INSYN2B: variants seen among roughly 807,000 people sequenced by gnomAD.
INSYN2B encodes inhibitory synaptic factor family member 2B.
In INSYN2B, 16 loss-of-function variants were observed where a neutral mutation model predicts 41.2. The ratio of observed to expected loss-of-function variants is 0.39; its 90% CI spans 0.26 to 0.59. INSYN2B has a LOEUF of 0.59. Ranked by LOEUF, INSYN2B falls within the 20% of genes least tolerant of loss-of-function variation. The pLI is 0.57. For synonymous variants in INSYN2B, 245 were observed against 244.4 expected, an observed-to-expected ratio of 1.00 and a Z score of -0.02; for missense variants, 608 against 646.4, an observed-to-expected ratio of 0.94 and a Z score of 0.64.
At chr5:169,946,357 G>A (rs1047763383) in intron 1 of INSYN2B, among the ~76,000 whole-genome samples, 2 of 152,194 alleles carry the variant, frequency 1.3e-5, no homozygotes, top group Non-Finnish European at 2.9e-5. Flanking sequence ...TGAGGGGGAC[G>A]AGTCACAGGA....
rs111783131 is a variant in INSYN2B at position 169,891,377 on chromosome 5, C to A, written c.-918-6561G>T. Reference sequence around the variant, plus strand: ...GTTGAATGAATGAATAGAGTAAATTCTTATAGTTAGAGGCTTCAAGGAATC... The same window carrying A: ...GTTGAATGAATGAATAGAGTAAATTATTATAGTTAGAGGCTTCAAGGAATC... On this transcript the variant is annotated intron_variant, in intron 1 of 3. Transcript: ENST00000377365. 4.6e-4 allele frequency among the ~76,000 whole-genome samples: 70 copies of A among 152,234 alleles called. 1 individual carries two copies. The highest frequency in any genetic ancestry group is 1.2e-3 in the African/African-American group (49 of 41,548).
At chr5:169,916,189 CTT>C (rs1774866683) in intron 1 of INSYN2B, among the ~76,000 whole-genome samples, 1 of 152,168 alleles carries the variant, frequency 6.6e-6, no homozygotes, top group South Asian at 2.1e-4. Flanking sequence ...AAAATAGAGT[CTT>C]TTAAGAGTGT....
intron 3 of INSYN2B, among the ~76,000 whole-genome samples, chr5:169,864,772 G>A (rs1449954891): frequency 1.3e-5 from 2 of 152,152 alleles, no homozygotes; most frequent in African/African-American, 4.8e-5. Context: ...GTTTTGGCAT[G>A]TGTTATGCAT....
chr5:169,921,232 C>T (rs185007157), intron 1 of INSYN2B, among the ~76,000 whole-genome samples: 61 of 152,312 alleles, frequency 4.0e-4, no homozygotes, highest in Middle Eastern at 3.4e-3. Context: ...AGTCCGTATT[C>T]CTCCTGATGT....
intron 3 of INSYN2B, among the ~76,000 whole-genome samples, chr5:169,873,827 C>T (rs551735180): frequency 5.3e-5 from 8 of 152,200 alleles, no homozygotes; most frequent in Non-Finnish European, 1.2e-4. Flanking sequence ...GACCTCCAAC[C>T]GTGTGACCTC....
chr5:169,958,558 A>C (rs1177177214), intron 1 of INSYN2B, among the ~76,000 whole-genome samples: 2 of 147,970 alleles, frequency 1.4e-5, no homozygotes, highest in African/African-American at 5.1e-5. Flanking sequence ...ATAGAGGACA[A>C]AAGGGGTGCT....
chr5:169,978,697 G>T (rs1037871329), intron 1 of INSYN2B, among the ~76,000 whole-genome samples: 1 of 151,936 alleles, frequency 6.6e-6, no homozygotes, highest in African/African-American at 2.4e-5. Context: ...ACCTCCCTAC[G>T]TCCCGAAGGG....
chr5:169,920,324 T>C (rs1049949243), intron 1 of INSYN2B, among the ~76,000 whole-genome samples: 18 of 152,202 alleles, frequency 1.2e-4, no homozygotes, highest in African/African-American at 4.3e-4. Context: ...TTATATGCAA[T>C]TAGAAGTGTG....
At chr5:169,926,224 C>T (rs1023443154) in intron 1 of INSYN2B, among the ~76,000 whole-genome samples, 3 of 152,114 alleles carry the variant, frequency 2.0e-5, no homozygotes, top group Non-Finnish European at 2.9e-5. Flanking sequence ...ACTTGGGGAC[C>T]ACGGGGAAGC....
intron 1 of INSYN2B, among the ~76,000 whole-genome samples, chr5:169,906,399 C>G (rs1047059925): frequency 6.6e-6 from 1 of 152,224 alleles, no homozygotes; most frequent in Non-Finnish European, 1.5e-5. Context: ...AAACCACCAT[C>G]ATTTGGGCTT....
intron 1 of INSYN2B, among the ~76,000 whole-genome samples, chr5:169,906,632 C>T (rs1305158777): frequency 6.6e-6 from 1 of 152,106 alleles, no homozygotes; most frequent in Admixed American, 6.6e-5. Flanking sequence ...CATGCCTGGC[C>T]AAAACTGAGT....
At chr5:169,957,379 G>C (rs1776913159) in intron 1 of INSYN2B, among the ~76,000 whole-genome samples, 1 of 152,194 alleles carries the variant, frequency 6.6e-6, no homozygotes, top group African/African-American at 2.4e-5. Context: ...AAAGTACTTA[G>C]CACATTGTTT....
At chr5:169,931,331 T>C (rs928909506) in intron 1 of INSYN2B, among the ~76,000 whole-genome samples, 35 of 152,254 alleles carry the variant, frequency 2.3e-4, no homozygotes, top group Admixed American at 9.8e-4. Context: ...AGTGGGTCAG[T>C]GGGAAGAACA....
At chr5:169,944,195 G>A (rs1209673599) in intron 1 of INSYN2B, among the ~76,000 whole-genome samples, 2 of 152,162 alleles carry the variant, frequency 1.3e-5, no homozygotes, top group Non-Finnish European at 2.9e-5. Context: ...CCCTGCCTTT[G>A]AGTGCCCTGG....
At chr5:169,873,453 T>C (rs928353192) in intron 3 of INSYN2B, among the ~76,000 whole-genome samples, 4 of 152,202 alleles carry the variant, frequency 2.6e-5, no homozygotes, top group African/African-American at 9.6e-5. Context: ...TCAGTCCATA[T>C]TGGAATTTGA....
chr5:169,877,859 G>T (rs1363986470), intron 3 of INSYN2B, among the ~76,000 whole-genome samples: 1 of 152,018 alleles, frequency 6.6e-6, no homozygotes, highest in Non-Finnish European at 1.5e-5. Context: ...AATCCTACAT[G>T]GCCAATCTCT....
intron 1 of INSYN2B, among the ~76,000 whole-genome samples, chr5:169,969,387 G>A (rs1436856788): frequency 1.3e-5 from 2 of 152,180 alleles, no homozygotes; most frequent in Non-Finnish European, 2.9e-5. Flanking sequence ...GGAAGTTGCA[G>A]TGAGCCGAGA....
chr5:169,979,717 A>G (rs1483449533), intron 1 of INSYN2B, among the ~76,000 whole-genome samples: 7 of 152,234 alleles, frequency 4.6e-5, no homozygotes, highest in African/African-American at 1.7e-4. Flanking sequence ...GTCACATTGC[A>G]CTACAAATCG....
At chr5:169,905,747 C>G (rs1025792084) in intron 1 of INSYN2B, among the ~76,000 whole-genome samples, 1 of 152,186 alleles carries the variant, frequency 6.6e-6, no homozygotes, top group Non-Finnish European at 1.5e-5. Flanking sequence ...GAACTGCAAA[C>G]CACCCAGGTG....
Sources: gnomAD v4.1 joint callset for allele counts (sites outside exome capture counted in the v4.1 genomes callset) on GRCh38, gnomAD v4.1.1 for gene constraint, MANE v1.5 for transcripts, NCBI Gene and HGNC (gene_info 2026-07-23, HGNC 2026-07-21) for gene names.